Variants in SNTG1 observed in about 807,000 individuals in gnomAD.
SNTG1 encodes syntrophin gamma 1, also known as gamma-1-syntrophin.
A neutral mutation model predicts 74.7 loss-of-function variants in SNTG1; 39 were observed. That is an observed-to-expected ratio of 0.52 (90% CI 0.40 to 0.68). The LOEUF (loss-of-function observed/expected upper bound fraction) is 0.68. SNTG1 is among the 30% of genes least tolerant of loss of function. The pLI is 0.00. For synonymous variants in SNTG1, 254 were observed against 217.1 expected (o/e 1.17, Z -1.49); for missense variants, 685 against 609.5 (o/e 1.12, Z -1.30).
chr8:50,564,016 GAGAA>G (rs2094502182), intron 12 of SNTG1, among the ~76,000 whole-genome samples: 1 of 152,034 alleles, frequency 6.6e-6, no homozygotes, highest in Non-Finnish European at 1.5e-5. Context: ...GTTCTGATTT[GAGAA>G]AGACACACAA....
chr8:50,256,199 T>TAA (rs34183404), intron 2 of SNTG1, among the ~76,000 whole-genome samples: 4 of 151,396 alleles, frequency 2.6e-5, no homozygotes, highest in South Asian at 4.2e-4. Flanking sequence ...ATTGTGAGTA[T>TAA]AAAAAAAACA....
rs139250802 is a variant in SNTG1 at position 50,653,239 on chromosome 8, T to C, written c.850-3670T>C. ...CGATCAGCTCGCTTGAGGCCAGGAGTTCAAGACCAGCCTGGGCAACATAGC... is the reference window on the plus strand; with the variant it reads ...CGATCAGCTCGCTTGAGGCCAGGAGCTCAAGACCAGCCTGGGCAACATAGC... On this transcript the variant is annotated intron_variant, in intron 13 of 18. Transcript: ENST00000642720. Among the ~76,000 whole-genome samples, 430 of 151,290 alleles carry C rather than the reference T, an allele frequency of 2.8e-3. 1 individual carries two copies. The highest frequency in any genetic ancestry group is 4.6e-3 in the Admixed American group (69 of 15,150).
intron 2 of SNTG1, among the ~76,000 whole-genome samples, chr8:50,333,429 T>G (rs2091034128): frequency 1.3e-5 from 2 of 152,232 alleles, no homozygotes; most frequent in South Asian, 4.1e-4. Context: ...CTTACCTCAT[T>G]TATTAGCCAC....
At chr8:50,208,836 C>A (rs781685990) in intron 2 of SNTG1, among the ~76,000 whole-genome samples, 1 of 152,160 alleles carries the variant, frequency 6.6e-6, no homozygotes, top group Non-Finnish European at 1.5e-5. Flanking sequence ...GTGAGCGAAG[C>A]AGAAGATGGG....
intron 2 of SNTG1, among the ~76,000 whole-genome samples, chr8:50,317,668 C>T (rs2090362617): frequency 6.6e-6 from 1 of 152,128 alleles, no homozygotes; most frequent in Non-Finnish European, 1.5e-5. Flanking sequence ...CATGTCTTCT[C>T]TGGAAAAGAG....
chr8:50,163,955 T>TA (rs2082519509), intron 1 of SNTG1: 2 of 152,200 alleles, frequency 1.3e-5, no homozygotes, highest in African/African-American at 4.8e-5. Flanking sequence ...TTGCTGCCTT[T>TA]AGCACTGCAA....
chr8:50,260,640 G>C (rs1265791125), intron 2 of SNTG1, among the ~76,000 whole-genome samples: 2 of 150,210 alleles, frequency 1.3e-5, no homozygotes. Flanking sequence ...GAAATTATCA[G>C]ACCAGAAATG....
chr8:50,295,992 T>G (rs2089350362), intron 2 of SNTG1, among the ~76,000 whole-genome samples: 2 of 152,302 alleles, frequency 1.3e-5, no homozygotes, highest in South Asian at 4.1e-4. Context: ...CTCATTAATG[T>G]GATGCTAGGC....
intron 13 of SNTG1, among the ~76,000 whole-genome samples, chr8:50,654,985 C>T (rs569938741): frequency 1.3e-5 from 2 of 152,308 alleles, no homozygotes; most frequent in African/African-American, 2.4e-5. Context: ...CTGATTCTCT[C>T]ATGTGACATT....
chr8:50,059,028 C>A (rs1348220104), intron 1 of SNTG1, among the ~76,000 whole-genome samples: 1 of 152,060 alleles, frequency 6.6e-6, no homozygotes, highest in Non-Finnish European at 1.5e-5. Context: ...CCTTTTTTCA[C>A]TCAGTAATAT....
intron 8 of SNTG1, among the ~76,000 whole-genome samples, chr8:50,467,877 C>CA (rs2093621856): frequency 2.6e-5 from 4 of 151,898 alleles, no homozygotes; most frequent in Non-Finnish European, 5.9e-5. Flanking sequence ...TCTCTTCAGA[C>CA]TTCTTAATGA....
chr8:50,475,726 G>T (rs1250919692), intron 8 of SNTG1, among the ~76,000 whole-genome samples: 1 of 151,912 alleles, frequency 6.6e-6, no homozygotes. Context: ...TGAATAGAAA[G>T]ATTTCCAAAA....
At chr8:50,712,516 C>A (rs1174418196) in intron 17 of SNTG1, among the ~76,000 whole-genome samples, 2 of 152,022 alleles carry the variant, frequency 1.3e-5, no homozygotes, top group African/African-American at 4.8e-5. Context: ...ACTTTAAGTT[C>A]TTGGATACAT....
chr8:50,286,916 A>C (rs905994286), intron 2 of SNTG1: 6 of 152,148 alleles, frequency 3.9e-5, no homozygotes, highest in African/African-American at 1.4e-4. Flanking sequence ...CTTCATTACC[A>C]GTCCTGTTGC....
chr8:50,194,224 G>A (rs73575356), intron 2 of SNTG1, among the ~76,000 whole-genome samples: 12,111 of 152,126 alleles, frequency 0.08, 1,586 homozygotes, highest in African/African-American at 0.27. Context: ...CTATCTTGTG[G>A]AATAGTGTTC....
chr8:50,114,266 A>C (rs904228386), intron 1 of SNTG1, among the ~76,000 whole-genome samples: 1 of 152,208 alleles, frequency 6.6e-6, no homozygotes, highest in Admixed American at 6.5e-5. Context: ...ACTTAAAACC[A>C]GTAGATTTTC....
At chr8:49,971,910 G>A (rs1264623930) in intron 1 of SNTG1, among the ~76,000 whole-genome samples, 1 of 152,156 alleles carries the variant, frequency 6.6e-6, no homozygotes, top group Non-Finnish European at 1.5e-5. Flanking sequence ...TGGGTAGGAA[G>A]AATCAATATC....
At chr8:50,408,671 C>T (rs997886149) in intron 4 of SNTG1, among the ~76,000 whole-genome samples, 3 of 152,168 alleles carry the variant, frequency 2.0e-5, no homozygotes, top group African/African-American at 7.2e-5. Flanking sequence ...TTTGGAGAAG[C>T]TCCAGTCAGG....
chr8:50,095,775 G>A (rs1324585973), intron 1 of SNTG1, among the ~76,000 whole-genome samples: 1 of 152,048 alleles, frequency 6.6e-6, no homozygotes, highest in African/African-American at 2.4e-5. Context: ...ACTGAAGAAA[G>A]ATGTGGATTT....
Sources: allele counts gnomAD v4.1 joint callset (sites outside exome capture counted in the v4.1 genomes callset), GRCh38; gene constraint gnomAD v4.1.1; transcripts MANE v1.5; gene names NCBI Gene and HGNC (gene_info 2026-07-23, HGNC 2026-07-21).